The following NBEA variants were observed in gnomAD, a reference collection of about 807,000 sequenced individuals.
NBEA encodes the protein lysosomal-trafficking regulator 2.
In NBEA, 44 loss-of-function variants were observed where a neutral mutation model predicts 343.4. The ratio of observed to expected loss-of-function variants is 0.13; its 90% confidence interval spans 0.10 to 0.16. The LOEUF is 0.16. NBEA is among the 10% of genes least tolerant of loss of function. The probability of loss-of-function intolerance (pLI) is 1.00; values close to 1 mark genes in which losing one functional copy is unlikely to be tolerated. For missense variants in NBEA, 2,555 were observed against 3,631.3 expected, an observed-to-expected ratio of 0.70 and a Z score of 7.62; for synonymous variants, 1,175 against 1,238.7, an observed-to-expected ratio of 0.95 and a Z score of 1.08.
At chr13:34,957,039 A>G (rs1035851431) in intron 1 of NBEA, among the ~76,000 whole-genome samples, 6 of 151,272 alleles carry the variant, frequency 4.0e-5, no homozygotes, top group Non-Finnish European at 8.9e-5. Context: ...ACACACACAT[A>G]TATATACACA....
chr13:35,476,457 G>C (rs2075877902), intron 41 of NBEA: 7 of 861,572 alleles, frequency 8.1e-6, no homozygotes, highest in Non-Finnish European at 1.3e-5. Flanking sequence ...CCTTGTGTGA[G>C]AGAACCGCAT....
At chr13:35,542,193 A>T (rs2078863463) in intron 41 of NBEA, among the ~76,000 whole-genome samples, 1 of 151,384 alleles carries the variant, frequency 6.6e-6, no homozygotes. Context: ...TGTACCAATA[A>T]TGGCTGTGTT....
chr13:35,425,868 T>C lies in NBEA; in HGVS notation c.6180-6401T>C, dbSNP rs1023064216. On this transcript the variant is annotated intron_variant, in intron 38 of 58. Transcript: ENST00000379939. Reference sequence around the variant, plus strand: ...CATATATATTTAGGATAGTTAGCTCTTCTTGTTGAATTGATCCCTTTACCA... The same window carrying C: ...CATATATATTTAGGATAGTTAGCTCCTCTTGTTGAATTGATCCCTTTACCA... Among the ~76,000 whole-genome samples the C allele has an allele frequency of 2.4e-4, 36 of 152,328 alleles. No individual in the cohort carries two copies. In the East Asian group the frequency reaches 3.1e-3, roughly 13 times the overall value.
Position 34,979,053 on chromosome 13 carries a change from A to T in NBEA, c.294+35939A>T, listed in dbSNP as rs748939316. 3.9e-5 allele frequency among the ~76,000 whole-genome samples: 6 copies of T among 152,182 alleles called. 1 individual carries two copies. The highest frequency in any genetic ancestry group is 8.8e-5 in the Non-Finnish European group (6 of 68,026). On this transcript the variant is annotated intron_variant, in intron 1 of 58. Coordinates refer to ENST00000379939, the MANE Select transcript of NBEA (RefSeq NM_001385012.1). ...ACCTGACAGACCATTTTATTAAGTG[A>T]TTAAAACATTTTGTATTTTCAACAA...
At position 34,942,714 on chromosome 13, in the gene NBEA, A is replaced by G. The variant is rs1431006548; in HGVS notation, c.-107A>G. The G allele has an allele frequency of 7.2e-6, 6 of 833,778 alleles. No individual in the cohort carries two copies. The highest frequency in any genetic ancestry group is 5.3e-5 in the South Asian group (1 of 18,780). 51.6% of individuals were successfully genotyped at this position (833,778 alleles called of 1,614,324 possible). A position where few individuals can be genotyped will look rare whatever the true frequency, so the allele number is the denominator to read the frequency against. On this transcript the variant is annotated 5_prime_UTR_variant, in exon 1 of 59. It removes an upstream start codon present in the reference 5' UTR. Coordinates refer to ENST00000379939, the MANE Select transcript of NBEA (RefSeq NM_001385012.1). ...GGGCCCGGCGCCGCGGCGCTGGTGG[A>G]TGCTGGGGCTCCGAGGCGACGGCCG...
chr13:35,475,344 C>T (rs372888288), intron 41 of NBEA: 1 of 1,613,936 alleles, frequency 6.2e-7, no homozygotes, highest in Admixed American at 1.7e-5. Context: ...AGGGCTGGCC[C>T]GGCAGTTCAA....
rs151282976 is a variant in NBEA, at chr13:35,189,066, G to A, written c.4927+4995G>A. Among the ~76,000 whole-genome samples, 306 of 151,580 alleles carry A rather than the reference G, an allele frequency of 2.0e-3. 1 individual carries two copies. Among genetic ancestry groups the A allele is most frequent in the African/African-American group, 7.2e-3 (296 of 41,366 alleles). On this transcript the variant is annotated intron_variant, in intron 30 of 58. Transcript: ENST00000379939. ...CCTGAGTAGCTTGGATTACAGGCAC[G>A]CCCCACCATGCTGGGCTAATTTTTG...
At chr13:35,581,097 C>A (rs564911525) in intron 45 of NBEA, among the ~76,000 whole-genome samples, 59 of 152,270 alleles carry the variant, frequency 3.9e-4, no homozygotes, top group African/African-American at 1.4e-3. Context: ...CACGACAGAA[C>A]AAAGTATTAA....
intron 10 of NBEA, among the ~76,000 whole-genome samples, chr13:35,088,346 G>A (rs912311724): frequency 6.6e-6 from 1 of 151,886 alleles, no homozygotes; most frequent in African/African-American, 2.4e-5. Context: ...TTAGGAAACT[G>A]ATAAATCTTT....
chr13:35,292,755 A>G (rs192181794), intron 35 of NBEA, among the ~76,000 whole-genome samples: 4 of 152,146 alleles, frequency 2.6e-5, no homozygotes, highest in South Asian at 2.1e-4. Flanking sequence ...GAGAAATCCA[A>G]CTAAGATATT....
At chr13:35,103,265 T>C (rs2065743386) in intron 11 of NBEA, among the ~76,000 whole-genome samples, 1 of 151,834 alleles carries the variant, frequency 6.6e-6, no homozygotes, top group Non-Finnish European at 1.5e-5. Context: ...ACATGTCCTT[T>C]AAGATGGCTC....
chr13:35,255,479 C>T lies in NBEA; in HGVS notation c.5776+22860C>T, dbSNP rs149741463. 3.8e-3 allele frequency among the ~76,000 whole-genome samples: 577 copies of T among 152,352 alleles called. 8 individuals carry two copies. Among genetic ancestry groups the T allele is most frequent in the African/African-American group, 0.013 (538 of 41,592 alleles). On this transcript the variant is annotated intron_variant, in intron 34 of 58. Transcript: ENST00000379939. Reference sequence around the variant, plus strand: ...TGCATGAGCGGGCAAGCGCAGGTTCCGGCCACTGTGCACAACCAGGCACAC... The same window carrying T: ...TGCATGAGCGGGCAAGCGCAGGTTCTGGCCACTGTGCACAACCAGGCACAC...
intron 10 of NBEA, among the ~76,000 whole-genome samples, chr13:35,071,606 G>A (rs1164835873): frequency 2.0e-5 from 3 of 151,872 alleles, no homozygotes. Context: ...ATATAGATAA[G>A]CATTAATTTT....
chr13:35,590,182 T>A (rs2081471372), intron 46 of NBEA, among the ~76,000 whole-genome samples: 1 of 152,154 alleles, frequency 6.6e-6, no homozygotes, highest in Non-Finnish European at 1.5e-5. Flanking sequence ...AAAGAAAGGC[T>A]CTGCATTGTG....
chr13:35,426,568 T>C (rs2044689788), intron 38 of NBEA, among the ~76,000 whole-genome samples: 1 of 152,218 alleles, frequency 6.6e-6, no homozygotes, highest in South Asian at 2.1e-4. Context: ...TCTCTCTGGC[T>C]GCCCTTAACG....
At chr13:35,229,783 A>G (rs1025590481) in intron 33 of NBEA, among the ~76,000 whole-genome samples, 4 of 152,044 alleles carry the variant, frequency 2.6e-5, no homozygotes, top group African/African-American at 4.8e-5. Flanking sequence ...TGTTTGTACC[A>G]TTTTCTTTCA....
At chr13:35,166,920 A>G (rs907250969) in intron 24 of NBEA, among the ~76,000 whole-genome samples, 12 of 152,104 alleles carry the variant, frequency 7.9e-5, no homozygotes, top group Admixed American at 6.6e-4. Flanking sequence ...AACATTGGCA[A>G]CGTGAAGATT....
At position 35,273,771 on chromosome 13, in the gene NBEA, G is replaced by T. The variant is rs184697038; in HGVS notation, c.5777-16618G>T. Among the ~76,000 whole-genome samples, 430 of 152,180 alleles carry T rather than the reference G, an allele frequency of 2.8e-3. 2 individuals carry two copies. Among genetic ancestry groups the T allele is most frequent in the Middle Eastern group, 0.017 (5 of 294 alleles). On this transcript the variant is annotated intron_variant, in intron 34 of 58. Coordinates refer to ENST00000379939, the MANE Select transcript of NBEA (RefSeq NM_001385012.1). ...ATAAACTAGAAAATCTAAAAGAAAT[G>T]GATAAATTCCTGGACACATACACCC...
intron 40 of NBEA, among the ~76,000 whole-genome samples, chr13:35,455,580 T>G (rs1169246134): frequency 1.3e-5 from 2 of 152,152 alleles, no homozygotes; most frequent in African/African-American, 4.8e-5. Flanking sequence ...TACTCTTCAG[T>G]ACATTTACAT....
Sources: allele counts gnomAD v4.1 joint callset (sites outside exome capture counted in the v4.1 genomes callset), GRCh38; gene constraint gnomAD v4.1.1; transcripts MANE v1.5; gene names NCBI Gene and HGNC (gene_info 2026-07-23, HGNC 2026-07-21).